The following SCEL variants were observed in gnomAD, a reference collection of about 807,000 sequenced individuals.
SCEL encodes the protein sciellin.
SCEL carries 113 observed loss-of-function variants against 117.6 expected under a neutral mutation model. The observed-to-expected ratio is 0.96, with a 90% CI of 0.83 to 1.12. The LOEUF is 1.12. SCEL is among the 50% of genes most tolerant of loss of function. SCEL has a pLI of 0.00. For synonymous variants in SCEL, 270 were observed against 256.2 expected (o/e 1.05, Z -0.51); for missense variants, 785 against 810.8 (o/e 0.97, Z 0.39).
intron 1 of SCEL, among the ~76,000 whole-genome samples, chr13:77,538,887 A>G (rs554946909): frequency 4.5e-4 from 69 of 152,344 alleles, no homozygotes; most frequent in African/African-American, 1.6e-3. Context: ...TGAGATATAT[A>G]CATCCCAGGA....
At chr13:77,572,596 A>C (rs1299959903) in intron 9 of SCEL, among the ~76,000 whole-genome samples, 2 of 152,076 alleles carry the variant, frequency 1.3e-5, no homozygotes, top group Non-Finnish European at 2.9e-5. Flanking sequence ...GGCTCCCCTA[A>C]CTTCTGGTGG....
intron 21 of SCEL, among the ~76,000 whole-genome samples, chr13:77,609,787 A>G (rs999494601): frequency 5.3e-5 from 8 of 152,188 alleles, no homozygotes; most frequent in Non-Finnish European, 5.9e-5. Flanking sequence ...TAGACAAATC[A>G]TGTAAATCAC....
At chr13:77,539,569 G>A (rs1033638327) in intron 1 of SCEL, among the ~76,000 whole-genome samples, 1 of 150,444 alleles carries the variant, frequency 6.6e-6, no homozygotes, top group Non-Finnish European at 1.5e-5. Flanking sequence ...ACAGAGTCTC[G>A]CTCTTTCACC....
chr13:77,586,751 A>G (rs1224854000), intron 9 of SCEL, among the ~76,000 whole-genome samples: 1 of 152,180 alleles, frequency 6.6e-6, no homozygotes, highest in African/African-American at 2.4e-5. Context: ...CCTTCAAGAG[A>G]CAGCACAGCA....
At chr13:77,566,546 T>A (rs1644750017) in intron 5 of SCEL, among the ~76,000 whole-genome samples, 1 of 151,574 alleles carries the variant, frequency 6.6e-6, no homozygotes. Flanking sequence ...ATGATTAAAA[T>A]CTCTAATGAT....
chr13:77,607,835 A>G (rs1467180712), intron 19 of SCEL, among the ~76,000 whole-genome samples: 1 of 152,194 alleles, frequency 6.6e-6, no homozygotes, highest in Non-Finnish European at 1.5e-5. Context: ...TCTGAGACTA[A>G]AATAATGTCT....
At chr13:77,633,628 A>G (rs1488611540) in intron 28 of SCEL, among the ~76,000 whole-genome samples, 2 of 152,088 alleles carry the variant, frequency 1.3e-5, no homozygotes, top group African/African-American at 4.8e-5. Flanking sequence ...CCAATGCTCT[A>G]CACAACCAGT....
At chr13:77,604,437 C>G (rs79433910) in intron 19 of SCEL, 22 bp downstream of exon 19, 5 of 1,553,306 alleles carry the variant, frequency 3.2e-6, no homozygotes, top group South Asian at 1.2e-5. Context: ...AAAGCTCCCC[C>G]CTCCCCTTTG....
At chr13:77,596,058 C>A (rs925468526) in intron 12 of SCEL, among the ~76,000 whole-genome samples, 1 of 152,074 alleles carries the variant, frequency 6.6e-6, no homozygotes, top group Non-Finnish European at 1.5e-5. Flanking sequence ...CTAGGTTGGG[C>A]GTGGTGGCTC....
Position 77,644,437 on chromosome 13 carries a change from A to G in SCEL, c.*163A>G, listed in dbSNP as rs969240534. 2 of 673,330 alleles carry G rather than the reference A, an allele frequency of 3.0e-6. No homozygotes were observed. The highest frequency in any genetic ancestry group is 3.6e-5 in the African/African-American group (2 of 54,866). The allele number at this position is 673,330 out of a possible 1,614,324, so 41.7% of individuals were successfully genotyped here. ...CATAAGTAATCTAATTGTCTTCAAT[A>G]AGGTCACACACATAAAAAGAGCCAT... On this transcript the variant is annotated 3_prime_UTR_variant, in exon 33 of 33. Transcript: ENST00000349847.
chr13:77,633,385 G>A (rs2097286656), intron 28 of SCEL, among the ~76,000 whole-genome samples: 1 of 133,150 alleles, frequency 7.5e-6, no homozygotes, highest in Non-Finnish European at 1.6e-5. Flanking sequence ...GCAGTGAGCC[G>A]AGATTGCGCC....
Position 77,572,163 on chromosome 13 carries a change from C to T in SCEL, c.519C>T (p.Ala173=), listed in dbSNP as rs910550006. Residue 173 remains alanine (A), a synonymous_variant, in exon 9 of 33, where the codon GCC becomes GCT. Transcript: ENST00000349847. ...WFPPPPPGYN[A]SSSTGTRRRE... ...CACCGCCCCCTCCAGGTTACAATGC[C>T]TCCTCGAGCACAGGAACCAGGAGAC... is the stretch of plus-strand genomic sequence containing the variant. The T allele has an allele frequency of 1.9e-6, 3 of 1,612,328 alleles. No homozygotes were observed. The highest frequency in any genetic ancestry group is 2.5e-6 in the Non-Finnish European group (3 of 1,179,108).
At chr13:77,547,710 C>T (rs983117419) in intron 1 of SCEL, among the ~76,000 whole-genome samples, 1 of 152,208 alleles carries the variant, frequency 6.6e-6, no homozygotes, top group Admixed American at 6.5e-5. Flanking sequence ...TCAGACCCAA[C>T]ATTCTGCCAT....
intron 31 of SCEL, 39 bp from the exon 32 acceptor site, chr13:77,642,666 AT>A (rs1567456070): frequency 8.2e-7 from 1 of 1,220,326 alleles, no homozygotes; most frequent in Non-Finnish European, 1.2e-6. Context: ...TCTAGATTTC[AT>A]TTACAATGGA....
Position 77,637,121 on chromosome 13 carries a change from A to G in SCEL, c.1765A>G (p.Lys589Glu). Reference sequence around the variant, plus strand: ...CATGTCCATATATTTTGTTCCTAGTAAATCACCCAAGGATGGATATCAGGA... The same window carrying G: ...CATGTCCATATATTTTGTTCCTAGTGAATCACCCAAGGATGGATATCAGGA... ...VYTRTYVENS[K>E]SPKDGYQENI... The change falls in exon 30 of 33, where the codon AAA becomes GAA. Residue 589 changes from lysine (K) to glutamate (E), a missense_variant and splice_region_variant. By Grantham distance (56) the Lys-to-Glu change is moderately conservative (BLOSUM62 1). Coordinates refer to ENST00000349847, the MANE Select transcript of SCEL (RefSeq NM_144777.3). The G allele has an allele frequency of 1.3e-6, 2 of 1,526,392 alleles. No individual in the cohort carries two copies. The highest frequency in any genetic ancestry group is 1.2e-5 in the South Asian group (1 of 83,228). 94.6% of individuals were successfully genotyped at this position (1,526,392 alleles called of 1,614,324 possible).
At chr13:77,628,170 G>GTGTATATATATATATATA (rs10700333) in intron 28 of SCEL, among the ~76,000 whole-genome samples, 161 bp downstream of exon 28, 110 of 139,720 alleles carry the variant, frequency 7.9e-4, no homozygotes, top group African/African-American at 2.9e-3. Flanking sequence ...ATATGTGTGT[G>GTGTATATATATATATATA]TATATATATA....
In SCEL at chr13:77,572,107, G is replaced by C. The variant is rs764659222; in HGVS notation, c.480-17G>C. 2 of 1,606,068 alleles carry C rather than the reference G, an allele frequency of 1.2e-6. No individual in the cohort carries two copies. The highest frequency in any genetic ancestry group is 1.3e-5 in the African/African-American group (1 of 74,688). On this transcript the variant is annotated splice_polypyrimidine_tract_variant and intron_variant, in intron 8 of 32. Coordinates refer to ENST00000349847, the MANE Select transcript of SCEL (RefSeq NM_144777.3). ...CCTTTCAATCACAATGTTTATTACCGTGTCATTTCTTAACAGGCAGTCCTG... is the reference window on the plus strand; with the variant it reads ...CCTTTCAATCACAATGTTTATTACCCTGTCATTTCTTAACAGGCAGTCCTG...
Position 77,567,615 on chromosome 13 carries a change from A to G in SCEL, c.291-65A>G, listed in dbSNP as rs920081132. 57 of 1,104,802 alleles carry G rather than the reference A, an allele frequency of 5.2e-5. No individual in the cohort carries two copies. The African/African-American group carries it at 8.7e-4, about 17-fold the overall frequency. The allele number at this position is 1,104,802 out of a possible 1,614,324, so 68.4% of individuals were successfully genotyped here. On this transcript the variant is annotated intron_variant, in intron 5 of 32. Coordinates refer to ENST00000349847, the MANE Select transcript of SCEL (RefSeq NM_144777.3). ...GTTGTTAAGCTATTCTAGCATGAAAATGGTCTGAAAGGAGTTTGATAATTT... is the reference window on the plus strand; with the variant it reads ...GTTGTTAAGCTATTCTAGCATGAAAGTGGTCTGAAAGGAGTTTGATAATTT...
intron 27 of SCEL, among the ~76,000 whole-genome samples, chr13:77,621,208 G>A (rs2089393670): frequency 6.6e-6 from 1 of 152,090 alleles, no homozygotes; most frequent in Non-Finnish European, 1.5e-5. Flanking sequence ...ATGTCATTCT[G>A]ATTAAACTCC....
Sources: gnomAD v4.1 joint callset for allele counts (sites outside exome capture counted in the v4.1 genomes callset) on GRCh38, gnomAD v4.1.1 for gene constraint, MANE v1.5 for transcripts, NCBI Gene and HGNC (gene_info 2026-07-23, HGNC 2026-07-21) for gene names.